THADA: variants seen among roughly 807,000 people sequenced by gnomAD.
THADA encodes THADA armadillo repeat containing, also known as tRNA (32-2'-O)-methyltransferase regulator THADA.
A neutral mutation model predicts 219.8 loss-of-function variants in THADA; 213 were observed. The observed-to-expected ratio is 0.97, with a 90% CI of 0.87 to 1.09. The LOEUF (loss-of-function observed/expected upper bound fraction) is 1.09, where lower values mean the gene tolerates loss of function less well. Among genes scored for constraint, THADA ranks in the 50% least tolerant of loss-of-function variants. THADA has a pLI of 0.00. For missense variants in THADA, 2,956 were observed against 2,311.3 expected (o/e 1.28, Z -5.72); for synonymous variants, 1,018 against 828.9 (o/e 1.23, Z -3.92).
At chr2:43,313,446 T>C (rs2104444072) in intron 31 of THADA, among the ~76,000 whole-genome samples, 1 of 152,382 alleles carries the variant, frequency 6.6e-6, no homozygotes, top group Middle Eastern at 3.4e-3. Flanking sequence ...GGCAGAGTGA[T>C]GAGATCTGAA....
chr2:43,290,764 T>A (rs1054632003), intron 34 of THADA, among the ~76,000 whole-genome samples: 12 of 151,972 alleles, frequency 7.9e-5, no homozygotes, highest in Admixed American at 1.3e-4. Context: ...GTAATTTTCC[T>A]GTGGTATTGG....
chr2:43,318,301 A>G (rs1678306335), intron 31 of THADA, among the ~76,000 whole-genome samples: 1 of 152,066 alleles, frequency 6.6e-6, no homozygotes. Context: ...TCAACCTCCT[A>G]AAGTGCTGAA....
At chr2:43,449,374 G>C (rs576126638) in intron 26 of THADA, among the ~76,000 whole-genome samples, 1 of 151,824 alleles carries the variant, frequency 6.6e-6, no homozygotes, top group East Asian at 1.9e-4. Context: ...AGAAGGAGAA[G>C]AGAGAGAGAG....
At chr2:43,273,278 A>G (rs1434472912) in intron 36 of THADA, among the ~76,000 whole-genome samples, 1 of 152,122 alleles carries the variant, frequency 6.6e-6, no homozygotes, top group Non-Finnish European at 1.5e-5. Flanking sequence ...AACAAAAAAA[A>G]AAAAAAGAAG....
At chr2:43,545,736 T>A (rs1574187402) in intron 20 of THADA, among the ~76,000 whole-genome samples, 1 of 151,852 alleles carries the variant, frequency 6.6e-6, no homozygotes, top group East Asian at 1.9e-4. Context: ...TTATCATTTT[T>A]TATTGCGTCT....
At chr2:43,555,596 G>C (rs1697248125) in intron 17 of THADA, among the ~76,000 whole-genome samples, 1 of 152,074 alleles carries the variant, frequency 6.6e-6, no homozygotes, top group African/African-American at 2.4e-5. Flanking sequence ...AATTCAAGTA[G>C]GCAAGCATCA....
chr2:43,320,375 C>T (rs1678558904), intron 31 of THADA, 71 bp downstream of exon 31: 1 of 1,123,348 alleles, frequency 8.9e-7, no homozygotes, highest in Non-Finnish European at 1.3e-6. Context: ...TGTGGCAGAG[C>T]CACTCAAAAC....
At chr2:43,595,289 T>A (rs1021654458) in intron 1 of THADA, among the ~76,000 whole-genome samples, 5 of 152,156 alleles carry the variant, frequency 3.3e-5, no homozygotes, top group African/African-American at 1.2e-4. Flanking sequence ...GAGCAACCAC[T>A]TAACCAAAAA....
rs1574012358 is a variant in THADA at position 43,512,347 on chromosome 2, T to C, written c.3375-3567A>G. Among the ~76,000 whole-genome samples, 4 of 152,330 alleles carry C rather than the reference T, an allele frequency of 2.6e-5. 1 individual carries two copies. In the South Asian group the frequency reaches 8.3e-4, roughly 32 times the overall value. On this transcript the variant is annotated intron_variant, in intron 22 of 37. Coordinates refer to ENST00000405975, the MANE Select transcript of THADA (RefSeq NM_022065.5). ...GTTCCCATTCCTCTGATTCCCTTGC[T>C]TCTCAGCTCTGCACCTCTCCCAGGC...
At chr2:43,348,893 C>T (rs964543945) in intron 29 of THADA, among the ~76,000 whole-genome samples, 1 of 152,098 alleles carries the variant, frequency 6.6e-6, no homozygotes, top group African/African-American at 2.4e-5. Context: ...TTAATAATCA[C>T]ACTGGGAAAA....
At chr2:43,336,601 C>G (rs953243097) in intron 30 of THADA, among the ~76,000 whole-genome samples, 5 of 151,796 alleles carry the variant, frequency 3.3e-5, no homozygotes, top group African/African-American at 1.2e-4. Context: ...GTGCCATAAG[C>G]CTCCACAACA....
chr2:43,358,262 C>CT (rs1488141517), intron 29 of THADA, among the ~76,000 whole-genome samples: 3 of 152,146 alleles, frequency 2.0e-5, no homozygotes, highest in Non-Finnish European at 4.4e-5. Context: ...CATATATTCT[C>CT]TAACTCCCTA....
At chr2:43,380,841 G>A (rs1558666742) in intron 29 of THADA, among the ~76,000 whole-genome samples, 1 of 152,156 alleles carries the variant, frequency 6.6e-6, no homozygotes, top group Non-Finnish European at 1.5e-5. Context: ...GCTCACGCCT[G>A]TAATCCCAGC....
At chr2:43,480,579 A>G (rs1686075429) in intron 26 of THADA, among the ~76,000 whole-genome samples, 1 of 152,134 alleles carries the variant, frequency 6.6e-6, no homozygotes, top group Admixed American at 6.6e-5. Flanking sequence ...TGGGAGGCTG[A>G]GGCAGGCGAT....
chr2:43,522,397 C>A (rs1330139065), intron 22 of THADA, among the ~76,000 whole-genome samples: 3 of 152,002 alleles, frequency 2.0e-5, no homozygotes, highest in Admixed American at 6.6e-5. Flanking sequence ...AATACAATGA[C>A]CAAATCTAAA....
chr2:43,323,042 C>T (rs910018953), intron 30 of THADA, among the ~76,000 whole-genome samples: 4 of 152,124 alleles, frequency 2.6e-5, no homozygotes, highest in Non-Finnish European at 4.4e-5. Flanking sequence ...TGATGGCTTA[C>T]TATATACTCG....
chr2:43,393,495 G>A (rs895987779), intron 29 of THADA, among the ~76,000 whole-genome samples: 3 of 152,122 alleles, frequency 2.0e-5, no homozygotes, highest in African/African-American at 7.2e-5. Context: ...ATCACTTGAA[G>A]TCAGGAGTTC....
At chr2:43,282,985 T>A (rs1273510939) in intron 35 of THADA, among the ~76,000 whole-genome samples, 2 of 152,194 alleles carry the variant, frequency 1.3e-5, no homozygotes, top group Non-Finnish European at 2.9e-5. Context: ...AATCTCATGT[T>A]GAATTGGAGT....
At chr2:43,278,536 T>C (rs1672984871) in intron 36 of THADA, among the ~76,000 whole-genome samples, 1 of 152,198 alleles carries the variant, frequency 6.6e-6, no homozygotes, top group African/African-American at 2.4e-5. Context: ...ATTGGGCAAG[T>C]CTGGCAGGTT....
Sources: gnomAD v4.1 joint callset for allele counts (sites outside exome capture counted in the v4.1 genomes callset) on GRCh38, gnomAD v4.1.1 for gene constraint, MANE v1.5 for transcripts, NCBI Gene and HGNC (gene_info 2026-07-23, HGNC 2026-07-21) for gene names.